ALG1L2: variants seen among roughly 807,000 people sequenced by gnomAD.
ALG1L2 encodes putative glycosyltransferase ALG1L2.
In ALG1L2, 32 loss-of-function variants were observed where a neutral mutation model predicts 29.0. The ratio of observed to expected loss-of-function variants is 1.10; its 90% CI spans 0.83 to 1.48. ALG1L2 has a LOEUF of 1.48. Ranked by LOEUF, ALG1L2 falls within the 40% of genes most tolerant of loss-of-function variation. The pLI is 0.00. For missense variants in ALG1L2, 318 were observed against 274.1 expected (o/e 1.16, Z -1.13); for synonymous variants, 110 against 109.5 (o/e 1.00, Z -0.03).
chr3:130,092,291 C>A, intron 3 of ALG1L2, 69 bp downstream of exon 3: 4 of 1,585,628 alleles, frequency 2.5e-6, no homozygotes, highest in Non-Finnish European at 2.6e-6. Flanking sequence ...TTCTCCTCAC[C>A]CCTGCCAGTC....
intron 6 of ALG1L2, among the ~76,000 whole-genome samples, chr3:130,096,737 T>C (rs540676289): frequency 6.6e-6 from 1 of 152,248 alleles, no homozygotes; most frequent in East Asian, 1.9e-4. Context: ...AGCCGGCCCC[T>C]GGATGGGATT....
At chr3:130,084,765 A>C (rs1212642803) in intron 1 of ALG1L2, among the ~76,000 whole-genome samples, 2 of 125,876 alleles carry the variant, frequency 1.6e-5, no homozygotes, top group African/African-American at 5.3e-5. Flanking sequence ...TAGGGGAAGG[A>C]TCTCCCTCCC....
At chr3:130,090,912 G>A in intron 1 of ALG1L2, 1 of 266,816 alleles carries the variant, frequency 3.7e-6, no homozygotes, top group East Asian at 9.1e-5. Flanking sequence ...ACACCCACAG[G>A]AGCAACAGAC....
chr3:130,082,764 C>T (rs1934816938), intron 1 of ALG1L2, among the ~76,000 whole-genome samples: 1 of 148,134 alleles, frequency 6.8e-6, no homozygotes, highest in South Asian at 2.1e-4. Flanking sequence ...TCTGCTGTGC[C>T]CTGAGCATAG....
chr3:130,090,220 G>A, intron 1 of ALG1L2, among the ~76,000 whole-genome samples: 1 of 152,302 alleles, frequency 6.6e-6, no homozygotes, highest in Non-Finnish European at 1.5e-5. Flanking sequence ...GCTGGGCTTT[G>A]TGGTGGGTGC....
chr3:130,097,175 T>C lies in ALG1L2; in HGVS notation c.540T>C (p.Cys180=), dbSNP rs1577331200. 3.1e-6 allele frequency: 5 copies of C among 1,611,878 alleles called. No individual in the cohort carries two copies. In the Admixed American group the frequency reaches 8.3e-5, roughly 27 times the overall value. The change falls in exon 7 of 8, where the codon TGT becomes TGC. Residue 180 remains cysteine, a splice_region_variant and synonymous_variant. Coordinates refer to ENST00000425059, the MANE Select transcript of ALG1L2 (RefSeq NM_001136152.1). ...CGGGCTCCTTTTGTTCTCTCTGCAG[T>C]TTACATGAGCTGGTGAAACATGAAG... ...CLPACAVNFK[C]LHELVKHEEN...
At position 130,091,079 on chromosome 3, in the gene ALG1L2, C is replaced by G. The variant is rs1022224926; in HGVS notation, c.21-182C>G. 1.2e-4 allele frequency: 71 copies of G among 609,768 alleles called. No homozygotes were observed. The Middle Eastern group carries it at 1.8e-3, about 15-fold the overall frequency. The allele number at this position is 609,768 out of a possible 1,614,324, so 37.8% of individuals were successfully genotyped here. A position where few individuals can be genotyped will look rare whatever the true frequency, so the allele number is the denominator to read the frequency against. Reference sequence around the variant, plus strand: ...ACTTAAGTTTCCAGTTTGTAAAAAGCCCCTTTCATTCGGTGATTCCTCAGG... The same window carrying G: ...ACTTAAGTTTCCAGTTTGTAAAAAGGCCCTTTCATTCGGTGATTCCTCAGG... On this transcript the variant is annotated intron_variant, in intron 1 of 7. Transcript: ENST00000425059.
In ALG1L2 at chr3:130,096,035, C is replaced by G; in HGVS notation, c.425-14C>G. 2 of 1,604,852 alleles carry G rather than the reference C, an allele frequency of 1.2e-6. No homozygotes were observed. Among genetic ancestry groups the G allele is most frequent in the Non-Finnish European group, 8.5e-7 (1 of 1,175,990 alleles). On this transcript the variant is annotated splice_polypyrimidine_tract_variant and intron_variant, in intron 5 of 7. Transcript: ENST00000425059. ...AGAGACCAGCGCTCTGGCCACACCCCTCTTGCCTAGCAGGGTCGGTGGACC... is the reference window on the plus strand; with the variant it reads ...AGAGACCAGCGCTCTGGCCACACCCGTCTTGCCTAGCAGGGTCGGTGGACC...
At chr3:130,084,507 A>G (rs1934850430) in intron 1 of ALG1L2, among the ~76,000 whole-genome samples, 1 of 132,136 alleles carries the variant, frequency 7.6e-6, no homozygotes, top group Admixed American at 7.9e-5. Context: ...TGCAGACATC[A>G]TGGATAAAAA....
intron 7 of ALG1L2, 129 bp from the exon 8 acceptor site, chr3:130,098,093 AG>A: frequency 8.0e-7 from 1 of 1,248,036 alleles, no homozygotes; most frequent in Non-Finnish European, 1.1e-6. Flanking sequence ...TGGGGTGTGA[AG>A]GGTCTCAAGT....
At position 130,096,317 on chromosome 3, in the gene ALG1L2, T is replaced by TGGCTG. The variant is rs1935133511; in HGVS notation, c.539+160_539+164dup. ...ACGAGGAGGAGCCCTGCGGTTACTG[T>TGGCTG]GGCTGGGCTGAGCCTCACTGAAGTA... On this transcript the variant is annotated intron_variant, in intron 6 of 7. Coordinates refer to ENST00000425059, the MANE Select transcript of ALG1L2 (RefSeq NM_001136152.1). 2.0e-5 allele frequency among the ~76,000 whole-genome samples: 3 copies of TGGCTG among 152,308 alleles called. No individual in the cohort carries two copies. The South Asian group carries it at 6.2e-4, about 32-fold the overall frequency.
At chr3:130,097,275 G>A (rs754101172) in intron 7 of ALG1L2, 25 bp downstream of exon 7, 4 of 1,602,432 alleles carry the variant, frequency 2.5e-6, no homozygotes, top group African/African-American at 2.7e-5. Flanking sequence ...CACCACGCCA[G>A]GGTGGACAGG....
At chr3:130,084,282 A>T (rs188873978) in intron 1 of ALG1L2, among the ~76,000 whole-genome samples, 1 of 137,380 alleles carries the variant, frequency 7.3e-6, no homozygotes, top group African/African-American at 2.5e-5. Flanking sequence ...ACATAGCGAG[A>T]CCCCATTTCC....
At chr3:130,086,065 C>T (rs1460515719) in intron 1 of ALG1L2, among the ~76,000 whole-genome samples, 1 of 151,594 alleles carries the variant, frequency 6.6e-6, no homozygotes, top group Non-Finnish European at 1.5e-5. Context: ...GGCCTGAGGT[C>T]CCAGGTGGAC....
intron 2 of ALG1L2, 34 bp from the exon 3 acceptor site, chr3:130,092,067 T>C: frequency 1.2e-6 from 2 of 1,610,640 alleles, no homozygotes; most frequent in Admixed American, 3.3e-5. Flanking sequence ...GCCTGCTCTG[T>C]GGCCTCTCAC....
intron 5 of ALG1L2, among the ~76,000 whole-genome samples, chr3:130,095,279 C>T (rs1347365044): frequency 6.6e-6 from 1 of 151,976 alleles, no homozygotes; most frequent in Admixed American, 6.6e-5. Context: ...GATCCTCTCG[C>T]CTTGGCCTCC....
chr3:130,092,637 G>A (rs564778443), intron 3 of ALG1L2, among the ~76,000 whole-genome samples: 70 of 152,286 alleles, frequency 4.6e-4, no homozygotes, highest in African/African-American at 1.6e-3. Context: ...AGGCTGAAAT[G>A]CCCCCTCCAG....
At position 130,098,254 on chromosome 3, in the gene ALG1L2, G is replaced by C; in HGVS notation, c.647G>C (p.Ter216SerextTer2). The change falls in exon 8 of 8, where the codon TGA (stop) becomes TCA (serine). Residue 216 changes from the stop codon to serine (S), a stop_lost. Transcript: ENST00000425059. Reference sequence around the variant, plus strand: ...GCAGATGCTTTTCTCAAACTTTCCTGATCCTGAAGGCAAGCTAAACCAGTT... The same window carrying C: ...GCAGATGCTTTTCTCAAACTTTCCTCATCCTGAAGGCAAGCTAAACCAGTT... ...YFADAFLKLS[*>S] is the part of the protein sequence containing the mutation. The C allele has an allele frequency of 6.3e-7, 1 of 1,596,458 alleles. No individual in the cohort carries two copies. The highest frequency in any genetic ancestry group is 2.2e-5 in the East Asian group (1 of 44,876).
intron 2 of ALG1L2, chr3:130,091,845 A>G (rs979539740): frequency 2.7e-5 from 19 of 709,048 alleles, no homozygotes; most frequent in Non-Finnish European, 4.7e-5. Flanking sequence ...TCTTGGGTCC[A>G]GGGGATGACA....
Sources: allele counts gnomAD v4.1 joint callset (sites outside exome capture counted in the v4.1 genomes callset), GRCh38; gene constraint gnomAD v4.1.1; transcripts MANE v1.5; gene names NCBI Gene and HGNC (gene_info 2026-07-23, HGNC 2026-07-21).